Variants in LRRC53 observed in about 807,000 individuals in gnomAD.
The protein encoded by LRRC53 is leucine rich repeat containing 53, also known as leucine-rich repeat-containing protein 53.
Under a neutral mutation model 13.6 loss-of-function variants are expected in LRRC53, and 25 were observed. That is an observed-to-expected ratio of 1.83 (90% confidence interval 1.34 to 2.56). The LOEUF (loss-of-function observed/expected upper bound fraction) is 2.56. Among genes scored for constraint, LRRC53 ranks in the 30% most tolerant of loss-of-function variants. LRRC53 has a pLI of 0.00. For missense variants in LRRC53, 527 were observed against 275.8 expected (o/e 1.91, Z -6.45); for synonymous variants, 204 against 109.8 (o/e 1.86, Z -5.37).
At chr1:74,502,588 A>G (rs1669687829) in intron 1 of LRRC53, among the ~76,000 whole-genome samples, 1 of 152,218 alleles carries the variant, frequency 6.6e-6, no homozygotes, top group Non-Finnish European at 1.5e-5. Flanking sequence ...TTTGAAGAGA[A>G]TCAGCAGGGA....
chr1:74,492,601 G>A (rs1222638611), intron 1 of LRRC53, among the ~76,000 whole-genome samples: 1 of 152,160 alleles, frequency 6.6e-6, no homozygotes, highest in Non-Finnish European at 1.5e-5. Flanking sequence ...AAACAGCTTT[G>A]AGGATCTGAG....
intron 1 of LRRC53, among the ~76,000 whole-genome samples, chr1:74,483,836 A>G (rs1380519103): frequency 6.6e-6 from 1 of 152,186 alleles, no homozygotes; most frequent in Non-Finnish European, 1.5e-5. Flanking sequence ...CTAATCTCAG[A>G]CACTGAGTCT....
chr1:74,493,308 G>A (rs1323190547), intron 1 of LRRC53, among the ~76,000 whole-genome samples: 1 of 152,186 alleles, frequency 6.6e-6, no homozygotes, highest in African/African-American at 2.4e-5. Context: ...AACTGTGAAT[G>A]TACTAAATAC....
Position 74,480,318 on chromosome 1 carries a change from T to G in LRRC53, c.739A>C (p.Asn247His), listed in dbSNP as rs1330682529. Residue 247 changes from asparagine (N) to histidine (H), a missense_variant, in exon 3 of 5, where the codon AAT becomes CAT. Physicochemically the swap from Asn to His is moderately conservative, Grantham distance 68. Coordinates refer to ENST00000294635, the MANE Select transcript of LRRC53 (RefSeq NM_001382280.1). ...ACAGCTGCGGTAGATGGCTGGCAAT[T>G]TAGGTCCTTGGCATTCCTGAGCGTG... ...AHTLRNAKDL[N>H]CQPSTAAVAA... is the part of the protein sequence containing the mutation. 4 of 717,654 alleles carry G rather than the reference T, an allele frequency of 5.6e-6. No individual in the cohort carries two copies. The highest frequency in any genetic ancestry group is 3.5e-5 in the African/African-American group (2 of 57,262). The allele number at this position is 717,654 out of a possible 1,614,324, so 44.5% of individuals were successfully genotyped here.
intron 1 of LRRC53, among the ~76,000 whole-genome samples, chr1:74,506,951 G>T (rs1669936022): frequency 6.6e-6 from 1 of 152,042 alleles, no homozygotes; most frequent in Non-Finnish European, 1.5e-5. Flanking sequence ...TGTTGAATAA[G>T]TTTCTTGAGG....
chr1:74,480,202 G>A lies in LRRC53; in HGVS notation c.855C>T (p.Pro285=). The A allele has an allele frequency of 1.4e-6, 1 of 717,484 alleles. No individual in the cohort carries two copies. The highest frequency in any genetic ancestry group is 1.5e-5 in the South Asian group (1 of 67,598). 44.4% of individuals were successfully genotyped at this position (717,484 alleles called of 1,614,324 possible). A position where few individuals can be genotyped will look rare whatever the true frequency, so the allele number is the denominator to read the frequency against. Residue 285 remains proline (P), a synonymous_variant, in exon 3 of 5, where the codon CCC becomes CCT. Coordinates refer to ENST00000294635, the MANE Select transcript of LRRC53 (RefSeq NM_001382280.1). ...NFTLVLKDRS[P]LLPGPDVALL... ...GGGCCACATCTGGTCCTGGGAGGAG[G>A]GGACTTCTGTCCTTTAGAACCAGAG...
chr1:74,515,590 G>A (rs2100394955), upstream of LRRC53, among the ~76,000 whole-genome samples: 1 of 152,276 alleles, frequency 6.6e-6, no homozygotes, highest in East Asian at 1.9e-4. Context: ...GAGATTGCAA[G>A]TAATTGAGGT....
At chr1:74,479,964 G>T (rs950669547) in intron 3 of LRRC53, among the ~76,000 whole-genome samples, 189 bp downstream of exon 3, 1 of 152,214 alleles carries the variant, frequency 6.6e-6, no homozygotes, top group Non-Finnish European at 1.5e-5. Flanking sequence ...CTCTATGTTA[G>T]ACAGCTTCCC....
At chr1:74,476,215 C>A (rs1323794402) in intron 3 of LRRC53, among the ~76,000 whole-genome samples, 18 of 152,096 alleles carry the variant, frequency 1.2e-4, no homozygotes, top group Admixed American at 1.2e-3. Context: ...ATTTCATGTT[C>A]TATGTAGTTT....
At chr1:74,505,607 A>T (rs189245555) in intron 1 of LRRC53, among the ~76,000 whole-genome samples, 20 of 152,274 alleles carry the variant, frequency 1.3e-4, no homozygotes, top group African/African-American at 4.6e-4. Flanking sequence ...TCTAAACCTC[A>T]TATAATGCAA....
At chr1:74,510,551 A>G (rs1670136086) in intron 1 of LRRC53, among the ~76,000 whole-genome samples, 1 of 152,148 alleles carries the variant, frequency 6.6e-6, no homozygotes, top group Non-Finnish European at 1.5e-5. Context: ...AGATTGTCAA[A>G]TCTCTTGAAT....
In LRRC53 at chr1:74,497,197, A is replaced by G. The variant is rs79216181; in HGVS notation, c.-26-13822T>C. On this transcript the variant is annotated intron_variant, in intron 1 of 4. Transcript: ENST00000294635. Reference sequence around the variant, plus strand: ...TTGTGTAAGATGATAGCACCATGACACTGATGTTCCTAGGAAGAATGAAGA... The same window carrying G: ...TTGTGTAAGATGATAGCACCATGACGCTGATGTTCCTAGGAAGAATGAAGA... Among the ~76,000 whole-genome samples, 19 of 152,224 alleles carry G rather than the reference A, an allele frequency of 1.2e-4. No homozygotes were observed. In the East Asian group the frequency reaches 3.5e-3, roughly 28 times the overall value.
At chr1:74,505,586 T>C (rs1669852838) in intron 1 of LRRC53, among the ~76,000 whole-genome samples, 1 of 152,246 alleles carries the variant, frequency 6.6e-6, no homozygotes. Flanking sequence ...ACATCTTCCA[T>C]GTGGACTATA....
chr1:74,524,319 C>G, the LRRC53 span, among the ~76,000 whole-genome samples: 1 of 152,204 alleles, frequency 6.6e-6, no homozygotes, highest in Non-Finnish European at 1.5e-5. Flanking sequence ...CTCTGTGGGC[C>G]TGCCAGAAAC....
At chr1:74,490,340 T>C (rs1669002629) in intron 1 of LRRC53, among the ~76,000 whole-genome samples, 1 of 152,166 alleles carries the variant, frequency 6.6e-6, no homozygotes. Flanking sequence ...AAGCCTTGGG[T>C]ATTAAGAGAC....
rs187987419 is a variant in LRRC53, at chr1:74,473,392, T to A, written c.1421-1191A>T. On this transcript the variant is annotated intron_variant, in intron 4 of 4. Coordinates refer to ENST00000294635, the MANE Select transcript of LRRC53 (RefSeq NM_001382280.1). ...TGCATCTAAAATTTAAAATTATTTA[T>A]TAGTATACTTTCTATTGTTTCATGA... 8.1e-4 allele frequency among the ~76,000 whole-genome samples: 124 copies of A among 152,240 alleles called. 1 individual carries two copies. Among genetic ancestry groups the A allele is most frequent in the African/African-American group, 2.7e-3 (111 of 41,566 alleles).
rs780491402 is a variant in LRRC53, at chr1:74,475,328, G to A, written c.1387C>T (p.Gln463Ter). ...CTTATTATATGGTGTTGCAGAGTTT[G>A]AGGCTGGACTTCTCCAGGCTCAAGA... ...WNLEPGEVQP[Q>*]TLQHHIIRTE... Residue 463 changes from glutamine to a stop codon, truncating the protein, a stop_gained, in exon 4 of 5, where the codon CAA becomes TAA. Transcript: ENST00000294635. LOFTEE classifies it low-confidence loss of function (END_TRUNC). 5 of 704,576 alleles carry A rather than the reference G, an allele frequency of 7.1e-6. 1 individual carries two copies. Among genetic ancestry groups the A allele is most frequent in the South Asian group, 6.1e-5 (4 of 65,952 alleles). The allele number at this position is 704,576 out of a possible 1,614,324, so 43.6% of individuals were successfully genotyped here. A position where few individuals can be genotyped will look rare whatever the true frequency, so the allele number is the denominator to read the frequency against.
At chr1:74,494,747 A>G (rs1429078639) in intron 1 of LRRC53, among the ~76,000 whole-genome samples, 2 of 152,242 alleles carry the variant, frequency 1.3e-5, no homozygotes, top group Non-Finnish European at 2.9e-5. Context: ...TTGTCAAGTT[A>G]TTTAAATCTC....
intron 1 of LRRC53, among the ~76,000 whole-genome samples, chr1:74,504,125 C>T (rs1264478574): frequency 1.3e-5 from 2 of 152,150 alleles, no homozygotes; most frequent in Non-Finnish European, 2.9e-5. Context: ...CACATATACA[C>T]GAAAAGTGAA....
Sources: gnomAD v4.1 joint callset for allele counts (sites outside exome capture counted in the v4.1 genomes callset) on GRCh38, gnomAD v4.1.1 for gene constraint, MANE v1.5 for transcripts, NCBI Gene and HGNC (gene_info 2026-07-23, HGNC 2026-07-21) for gene names.